Variants in MGAT4C observed in about 807,000 individuals in gnomAD.
MGAT4C encodes MGAT4 family member C.
Under a neutral mutation model 40.1 loss-of-function variants are expected in MGAT4C, and 19 were observed. The observed-to-expected ratio is 0.47, with a 90% CI of 0.33 to 0.70. MGAT4C has a LOEUF of 0.70. Among genes scored for constraint, MGAT4C ranks in the 30% least tolerant of loss-of-function variants. MGAT4C has a pLI of 0.02. For synonymous variants in MGAT4C, 181 were observed against 187.1 expected (o/e 0.97, Z 0.27); for missense variants, 491 against 563.2 (o/e 0.87, Z 1.30).
At chr12:86,189,194 A>C (rs1889104412) in intron 1 of MGAT4C, among the ~76,000 whole-genome samples, 1 of 152,000 alleles carries the variant, frequency 6.6e-6, no homozygotes, top group Admixed American at 6.6e-5. Context: ...GACTTCCTGC[A>C]TCGCTTTTCA....
intron 1 of MGAT4C, among the ~76,000 whole-genome samples, chr12:86,173,763 A>C (rs1887095740): frequency 6.6e-6 from 1 of 151,946 alleles, no homozygotes; most frequent in Non-Finnish European, 1.5e-5. Context: ...ATAGTTTTGG[A>C]CTGAAAAAAA....
intron 4 of MGAT4C, among the ~76,000 whole-genome samples, chr12:86,315,051 T>TA (rs199624311): frequency 0.01 from 1,574 of 150,830 alleles, 9 homozygotes; most frequent in Middle Eastern, 0.021. Flanking sequence ...AAGAAAACCT[T>TA]AAAAAAAACA....
intron 2 of MGAT4C, among the ~76,000 whole-genome samples, chr12:86,672,099 A>G (rs1416413973): frequency 1.3e-5 from 2 of 152,246 alleles, no homozygotes; most frequent in Non-Finnish European, 2.9e-5. Context: ...TCTGACCACA[A>G]TGGAACAAAA....
chr12:86,324,184 A>G (rs1954466352), intron 4 of MGAT4C, among the ~76,000 whole-genome samples: 1 of 151,906 alleles, frequency 6.6e-6, no homozygotes, highest in Admixed American at 6.6e-5. Context: ...TTCTATGGTT[A>G]TGTATTGCCC....
chr12:86,828,342 G>A (rs1444492003), intron 1 of MGAT4C, among the ~76,000 whole-genome samples: 1 of 150,742 alleles, frequency 6.6e-6, no homozygotes, highest in East Asian at 2.0e-4. Flanking sequence ...AAACAAGTAA[G>A]GTAATTTATA....
intron 1 of MGAT4C, among the ~76,000 whole-genome samples, chr12:86,177,998 G>A (rs61929477): frequency 0.011 from 1,668 of 152,104 alleles, 16 homozygotes; most frequent in Non-Finnish European, 0.019. Context: ...GTGCAGTGGC[G>A]CGATATTGGC....
At chr12:86,813,564 ATTTAT>A (rs920788700) in intron 1 of MGAT4C, among the ~76,000 whole-genome samples, 1 of 152,028 alleles carries the variant, frequency 6.6e-6, no homozygotes, top group Non-Finnish European at 1.5e-5. Context: ...ATGGTAATAT[ATTTAT>A]TTATCACCCT....
intron 2 of MGAT4C, among the ~76,000 whole-genome samples, chr12:86,479,539 T>C (rs532546192): frequency 4.6e-5 from 7 of 152,054 alleles, no homozygotes; most frequent in Non-Finnish European, 1.5e-5. Context: ...AAAGGTCACA[T>C]GATATGTTAC....
Position 85,979,851 on chromosome 12 carries a change from A to C in MGAT4C, c.875T>G (p.Phe292Cys). The stretch of plus-strand genomic sequence containing the variant: ...ATTTTTCTGAGCCAACAGACCACGG[A>C]AATGAGTCAATAGCCAATCACAAGG... Reference protein sequence around the residue: ...EMPCDWLLTHFRGLLAQKNVI... With the variant: ...EMPCDWLLTHCRGLLAQKNVI... The change falls in exon 5 of 5, where the codon TTC (phenylalanine) becomes TGC (cysteine). Residue 292 changes from phenylalanine (F) to cysteine (C), a missense_variant. Coordinates refer to ENST00000611864, the MANE Select transcript of MGAT4C (RefSeq NM_001351288.2). The C allele has an allele frequency of 6.2e-7, 1 of 1,613,820 alleles. No homozygotes were observed. Among genetic ancestry groups the C allele is most frequent in the South Asian group, 1.1e-5 (1 of 91,078 alleles).
intron 3 of MGAT4C, among the ~76,000 whole-genome samples, chr12:85,984,102 G>T (rs1884948237): frequency 6.6e-6 from 1 of 152,112 alleles, no homozygotes; most frequent in Admixed American, 6.6e-5. Flanking sequence ...TCCTCAAGCA[G>T]TCTCAAATAA....
intron 3 of MGAT4C, among the ~76,000 whole-genome samples, chr12:86,408,450 T>TCA (rs1337291211): frequency 5.0e-4 from 39 of 77,682 alleles, no homozygotes; most frequent in African/African-American, 2.2e-3. Flanking sequence ...CATAGTAAAC[T>TCA]CTCTCTCTCT....
chr12:86,399,278 A>G (rs983489516), intron 3 of MGAT4C, among the ~76,000 whole-genome samples: 3 of 147,028 alleles, frequency 2.0e-5, no homozygotes, highest in Admixed American at 6.9e-5. Context: ...CCTTTGTCCA[A>G]TTACATATTT....
intron 2 of MGAT4C, among the ~76,000 whole-genome samples, chr12:86,647,517 A>G (rs1271340968): frequency 1.3e-5 from 2 of 151,868 alleles, no homozygotes; most frequent in Non-Finnish European, 2.9e-5. Flanking sequence ...CTGTCATTAT[A>G]TATTACTTTT....
intron 2 of MGAT4C, among the ~76,000 whole-genome samples, chr12:86,473,526 G>T (rs61950764): frequency 0.1 from 15,821 of 152,150 alleles, 1,035 homozygotes; most frequent in Middle Eastern, 0.25. Context: ...AAAGATCTTG[G>T]ACCTGTCATA....
rs1202724213 is a variant in MGAT4C at position 85,977,117 on chromosome 12, C to A, written c.*2172G>T. The A allele has an allele frequency of 6.6e-6, 1 of 151,284 alleles. No individual in the cohort carries two copies. The highest frequency in any genetic ancestry group is 2.4e-5 in the African/African-American group (1 of 41,358). 9.4% of individuals were successfully genotyped at this position (151,284 alleles called of 1,614,324 possible). A position where few individuals can be genotyped will look rare whatever the true frequency, so the allele number is the denominator to read the frequency against. The stretch of plus-strand genomic sequence containing the variant: ...TCATAATTTCCTAGCAAACATCCAA[C>A]TTCACTGCTACCCTCAGCAATGTTT... On this transcript the variant is annotated 3_prime_UTR_variant, in exon 5 of 5. Coordinates refer to ENST00000611864, the MANE Select transcript of MGAT4C (RefSeq NM_001351288.2).
At chr12:86,143,055 C>A (rs1296273630) in intron 1 of MGAT4C, among the ~76,000 whole-genome samples, 1 of 152,168 alleles carries the variant, frequency 6.6e-6, no homozygotes, top group African/African-American at 2.4e-5. Flanking sequence ...AAACAGAACC[C>A]TTACCAGAAA....
intron 1 of MGAT4C, among the ~76,000 whole-genome samples, chr12:86,741,872 C>T (rs962470655): frequency 1.7e-4 from 26 of 151,352 alleles, no homozygotes; most frequent in Non-Finnish European, 2.7e-4. Context: ...ATTTATTTAA[C>T]TCCTCCATAG....
At chr12:86,405,717 A>T (rs1956452798) in intron 3 of MGAT4C, among the ~76,000 whole-genome samples, 1 of 151,614 alleles carries the variant, frequency 6.6e-6, no homozygotes, top group Admixed American at 6.6e-5. Context: ...GATATAATAT[A>T]TAGCTGCAGT....
chr12:86,636,727 TAGCAAGTAGACTGAA>T (rs1963230815), intron 2 of MGAT4C, among the ~76,000 whole-genome samples: 1 of 152,148 alleles, frequency 6.6e-6, no homozygotes, highest in South Asian at 2.1e-4. Flanking sequence ...ATATTGCTTT[TAGCAAGTAGACTGAA>T]TTGCTAATTT....
Sources: allele counts gnomAD v4.1 joint callset (sites outside exome capture counted in the v4.1 genomes callset), GRCh38; gene constraint gnomAD v4.1.1; transcripts MANE v1.5; gene names NCBI Gene and HGNC (gene_info 2026-07-23, HGNC 2026-07-21).